GDPD4: variants seen among roughly 807,000 people sequenced by gnomAD.
The protein encoded by GDPD4 is glycerophosphodiester phosphodiesterase domain containing 4, also known as glycerophosphodiester phosphodiesterase 6.
In GDPD4, 60 loss-of-function variants were observed where a neutral mutation model predicts 67.8. That is an observed-to-expected ratio of 0.88 (90% CI 0.72 to 1.10). The LOEUF is 1.10. GDPD4 is among the 50% of genes least tolerant of loss of function. The pLI, the probability that GDPD4 is intolerant of heterozygous loss-of-function variation, is 0.00. For synonymous variants in GDPD4, 212 were observed against 210.9 expected (o/e 1.00, Z -0.04); for missense variants, 623 against 613.9 (o/e 1.01, Z -0.16).
chr11:77,268,486 G>C lies in GDPD4; in HGVS notation c.678C>G (p.Ala226=). 6.2e-7 allele frequency: 1 copy of C among 1,613,092 alleles called. No homozygotes were observed. The highest frequency in any genetic ancestry group is 8.5e-7 in the Non-Finnish European group (1 of 1,179,312). The change falls in exon 10 of 17, where the codon GCC becomes GCG. Residue 226 remains alanine, a synonymous_variant. Coordinates refer to ENST00000315938, the MANE Select transcript of GDPD4 (RefSeq NM_182833.3). ...AGTGTATATCAGTCTCCAATCCATG[G>C]GCTCCATGTTCAACAGCTTTCTCAA... is the stretch of plus-strand genomic sequence containing the variant. ...MSFEKAVEHG[A]HGLETDIHLS... is the part of the protein sequence containing the mutation.
intron 7 of GDPD4, among the ~76,000 whole-genome samples, chr11:77,270,699 C>T (rs1028122889): frequency 2.0e-5 from 3 of 152,102 alleles, no homozygotes; most frequent in African/African-American, 7.2e-5. Context: ...TGGAGCAAGA[C>T]TCTGTCTCAA....
At chr11:77,228,024 A>G in intron 15 of GDPD4, 108 bp from the exon 16 acceptor site, 1 of 789,428 alleles carries the variant, frequency 1.3e-6, no homozygotes, top group Non-Finnish European at 2.2e-6. Context: ...GAAACTTACA[A>G]TCCTATAGCA....
In GDPD4 at chr11:77,231,513, T is replaced by C. The variant is rs115303768; in HGVS notation, c.1389+1512A>G. 2.3e-4 allele frequency among the ~76,000 whole-genome samples: 35 copies of C among 152,302 alleles called. 1 individual carries two copies. Among genetic ancestry groups the C allele is most frequent in the African/African-American group, 8.2e-4 (34 of 41,566 alleles). On this transcript the variant is annotated intron_variant, in intron 14 of 16. Coordinates refer to ENST00000315938, the MANE Select transcript of GDPD4 (RefSeq NM_182833.3). Reference sequence around the variant, plus strand: ...CATGGCATAGGCTGGGAACCATGCATTGGGTCCTTTAAAAATGCCTAGACT... The same window carrying C: ...CATGGCATAGGCTGGGAACCATGCACTGGGTCCTTTAAAAATGCCTAGACT...
chr11:77,221,039 G>T (rs1014520691), intron 16 of GDPD4, among the ~76,000 whole-genome samples: 9 of 152,216 alleles, frequency 5.9e-5, no homozygotes, highest in South Asian at 2.1e-4. Flanking sequence ...GTTTATTTGC[G>T]TGGAGAGTTT....
At chr11:77,301,249 C>G (rs1206214038) in intron 1 of GDPD4, among the ~76,000 whole-genome samples, 1 of 152,032 alleles carries the variant, frequency 6.6e-6, no homozygotes, top group African/African-American at 2.4e-5. Flanking sequence ...TGTTTTTTCC[C>G]TCTAAAATCG....
At chr11:77,296,413 C>A (rs369729602) in intron 1 of GDPD4, among the ~76,000 whole-genome samples, 28 of 150,788 alleles carry the variant, frequency 1.9e-4, no homozygotes, top group African/African-American at 6.8e-4. Flanking sequence ...CTCCACCTCC[C>A]GGGTTCAAGC....
intron 1 of GDPD4, among the ~76,000 whole-genome samples, chr11:77,291,555 C>A (rs1477254449): frequency 6.6e-6 from 1 of 152,000 alleles, no homozygotes; most frequent in Admixed American, 6.6e-5. Flanking sequence ...ATTTTCAAAG[C>A]GATAGATATC....
intron 7 of GDPD4, among the ~76,000 whole-genome samples, chr11:77,270,383 T>A (rs967210148): frequency 2.0e-5 from 3 of 152,234 alleles, no homozygotes; most frequent in African/African-American, 7.2e-5. Context: ...TTTGAGTTAC[T>A]TGGATGTAAG....
chr11:77,248,671 G>A (rs1242385684), intron 11 of GDPD4, among the ~76,000 whole-genome samples: 3 of 152,020 alleles, frequency 2.0e-5, no homozygotes, highest in Non-Finnish European at 4.4e-5. Flanking sequence ...ACCATTGTCA[G>A]AAGAACATCT....
intron 14 of GDPD4, among the ~76,000 whole-genome samples, chr11:77,232,506 C>T (rs1958473041): frequency 6.6e-6 from 1 of 152,148 alleles, no homozygotes; most frequent in South Asian, 2.1e-4. Context: ...CAACAGAAGG[C>T]CTAGAACATG....
chr11:77,232,460 A>T (rs1958472310), intron 14 of GDPD4, among the ~76,000 whole-genome samples: 1 of 152,202 alleles, frequency 6.6e-6, no homozygotes, highest in Non-Finnish European at 1.5e-5. Context: ...GGGATCGTAA[A>T]CCAGGTCTTC....
At chr11:77,224,903 A>G (rs747767502) in intron 16 of GDPD4, among the ~76,000 whole-genome samples, 33 of 151,442 alleles carry the variant, frequency 2.2e-4, no homozygotes, top group Non-Finnish European at 4.7e-4. Context: ...GGAGTTTGAG[A>G]TCAGCCTGGG....
chr11:77,291,377 T>C (rs1181424475), intron 1 of GDPD4, among the ~76,000 whole-genome samples: 2 of 152,014 alleles, frequency 1.3e-5, no homozygotes, highest in Non-Finnish European at 2.9e-5. Flanking sequence ...GGACATGGGG[T>C]TGCAGGGGGA....
intron 10 of GDPD4, among the ~76,000 whole-genome samples, chr11:77,259,846 A>G (rs1959077976): frequency 6.6e-6 from 1 of 152,260 alleles, no homozygotes; most frequent in Admixed American, 6.5e-5. Flanking sequence ...ATGTGTACAG[A>G]GTAAAACTAT....
intron 13 of GDPD4, among the ~76,000 whole-genome samples, chr11:77,233,446 G>GA (rs34507126): frequency 0.33 from 32,884 of 100,126 alleles, 5,943 homozygotes; most frequent in African/African-American, 0.45. Context: ...AAAACATATT[G>GA]AAAAAAAAAA....
intron 3 of GDPD4, among the ~76,000 whole-genome samples, chr11:77,282,007 A>G (rs1959776058): frequency 6.6e-6 from 1 of 152,224 alleles, no homozygotes; most frequent in African/African-American, 2.4e-5. Context: ...AGGTAAATCT[A>G]AAAGAATATT....
chr11:77,234,296 T>C (rs1958509811), intron 13 of GDPD4, among the ~76,000 whole-genome samples: 1 of 152,126 alleles, frequency 6.6e-6, no homozygotes, highest in Admixed American at 6.6e-5. Flanking sequence ...TAGGAAAAAA[T>C]AGTAAAAAGT....
rs751980790 is a variant in GDPD4 at position 77,269,790 on chromosome 11, T to A, written c.478+93A>T. 23 of 659,856 alleles carry A rather than the reference T, an allele frequency of 3.5e-5. No homozygotes were observed. In the African/African-American group the frequency reaches 4.0e-4, roughly 12 times the overall value. The allele number at this position is 659,856 out of a possible 1,614,324, so 40.9% of individuals were successfully genotyped here. On this transcript the variant is annotated intron_variant, in intron 8 of 16. Transcript: ENST00000315938. The stretch of plus-strand genomic sequence containing the variant: ...TAACCAGCCATTCCCCAAGACTTAC[T>A]ATTTTAGACCTCTGGGAATTTTACC...
At chr11:77,267,321 C>T (rs180918947) in intron 10 of GDPD4, among the ~76,000 whole-genome samples, 8 of 152,278 alleles carry the variant, frequency 5.3e-5, no homozygotes, top group African/African-American at 2.4e-5. Context: ...TGCCTAACAA[C>T]GCATTTCTCA....
Sources: allele counts gnomAD v4.1 joint callset (sites outside exome capture counted in the v4.1 genomes callset), GRCh38; gene constraint gnomAD v4.1.1; transcripts MANE v1.5; gene names NCBI Gene and HGNC (gene_info 2026-07-23, HGNC 2026-07-21).